MYLIP: variants seen among roughly 807,000 people sequenced by gnomAD.
MYLIP encodes myosin regulatory light chain interacting protein.
Under a neutral mutation model 45.8 loss-of-function variants are expected in MYLIP, and 26 were observed. The observed-to-expected ratio is 0.57, with a 90% CI of 0.42 to 0.79. The LOEUF (loss-of-function observed/expected upper bound fraction) is 0.79, where lower values mean the gene tolerates loss of function less well. MYLIP is among the 30% of genes least tolerant of loss of function. The pLI is 0.00. For missense variants in MYLIP, 494 were observed against 555.6 expected (o/e 0.89, Z 1.11); for synonymous variants, 213 against 218.1 (o/e 0.98, Z 0.21).
intron 1 of MYLIP, 111 bp from the exon 2 acceptor site, chr6:16,130,446 A>G (rs1287235872): frequency 2.1e-5 from 23 of 1,074,752 alleles, no homozygotes; most frequent in Non-Finnish European, 3.1e-5. Context: ...CAGGAATTGT[A>G]ACACCATTGA....
At chr6:16,141,958 A>G in intron 3 of MYLIP, 148 bp downstream of exon 3, 2 of 681,218 alleles carry the variant, frequency 2.9e-6, no homozygotes, top group South Asian at 4.7e-5. Context: ...AAGAAGTCAT[A>G]CATAATATAC....
intron 2 of MYLIP, among the ~76,000 whole-genome samples, chr6:16,135,842 CTATA>C (rs1161237621): frequency 6.8e-6 from 1 of 146,230 alleles, no homozygotes; most frequent in Non-Finnish European, 1.5e-5. Flanking sequence ...TACATGTACA[CTATA>C]TATTCTACTC....
chr6:16,148,418 T>C (rs1368625733), downstream of MYLIP, among the ~76,000 whole-genome samples: 3 of 151,450 alleles, frequency 2.0e-5, no homozygotes, highest in Non-Finnish European at 2.9e-5. Flanking sequence ...TAACAAACTA[T>C]AGAAATGATC....
At chr6:16,137,418 A>T (rs1312818375) in intron 2 of MYLIP, among the ~76,000 whole-genome samples, 2 of 152,236 alleles carry the variant, frequency 1.3e-5, no homozygotes, top group East Asian at 3.8e-4. Context: ...TCTCCAGGAG[A>T]AATACAATTC....
chr6:16,129,535 G>A lies in MYLIP; in HGVS notation c.87+126G>A, dbSNP rs1209607287. The A allele has an allele frequency of 2.2e-5, 20 of 904,814 alleles. No individual in the cohort carries two copies. In the East Asian group the frequency reaches 3.1e-4, roughly 14 times the overall value. 56.0% of individuals were successfully genotyped at this position (904,814 alleles called of 1,614,324 possible). Reference sequence around the variant, plus strand: ...GAGGCACTGCGGCGGCAGCCGGGGGGAGCGCGTCCCCTCCTCTCCACGGGC... The same window carrying A: ...GAGGCACTGCGGCGGCAGCCGGGGGAAGCGCGTCCCCTCCTCTCCACGGGC... On this transcript the variant is annotated intron_variant, in intron 1 of 6. Coordinates refer to ENST00000356840, the MANE Select transcript of MYLIP (RefSeq NM_013262.4). The surrounding 1 kb of genome is among the most constrained non-coding windows in gnomAD (Gnocchi z 5.1).
At chr6:16,155,149 G>A in the MYLIP span, among the ~76,000 whole-genome samples, 1 of 152,168 alleles carries the variant, frequency 6.6e-6, no homozygotes, top group African/African-American at 2.4e-5. Flanking sequence ...CCTTAGTGGG[G>A]AGGCAGAGAA....
the MYLIP span, chr6:16,161,151 T>G: frequency 5.7e-6 from 1 of 174,564 alleles, no homozygotes; most frequent in South Asian, 1.3e-4. Flanking sequence ...TCTGCTTCTT[T>G]GCCCTCTATG....
At chr6:16,140,703 G>T (rs1759651638) in intron 2 of MYLIP, among the ~76,000 whole-genome samples, 1 of 152,096 alleles carries the variant, frequency 6.6e-6, no homozygotes, top group Non-Finnish European at 1.5e-5. Context: ...CCCTATCCTG[G>T]GGCATAGCAG....
intron 5 of MYLIP, 53 bp from the exon 6 acceptor site, chr6:16,144,844 G>T: frequency 2.6e-6 from 4 of 1,552,260 alleles, no homozygotes; most frequent in Non-Finnish European, 3.5e-6. Flanking sequence ...CAGCGAATAA[G>T]GGTGCTGCCA....
Position 16,129,327 on chromosome 6 carries a change from T to A in MYLIP, c.5T>A (p.Leu2Gln), listed in dbSNP as rs1759404442. Residue 2 changes from leucine (L) to glutamine (Q), a missense_variant, in exon 1 of 7, where the codon CTG becomes CAG. Transcript: ENST00000356840. The surrounding 1 kb of genome is among the most constrained non-coding windows in gnomAD (Gnocchi z 5.1). ...GCGGCAGCGGCAGCCCCAGCCATGC[T>A]GTGTTATGTGACGAGGCCGGACGCG... The part of the protein sequence containing the change: M[L>Q]CYVTRPDAVL... The A allele has an allele frequency of 1.3e-6, 2 of 1,571,876 alleles. No homozygotes were observed. The highest frequency in any genetic ancestry group is 2.7e-5 in the African/African-American group (2 of 73,806).
the MYLIP span, among the ~76,000 whole-genome samples, chr6:16,154,822 A>G: frequency 6.6e-6 from 1 of 152,128 alleles, no homozygotes; most frequent in Admixed American, 6.5e-5. Context: ...GCCCCATCCC[A>G]GCCCAGGAAG....
intron 2 of MYLIP, among the ~76,000 whole-genome samples, chr6:16,136,604 ATAGCTGGG>A (rs1345181568): frequency 1.3e-5 from 2 of 152,352 alleles, no homozygotes; most frequent in East Asian, 3.9e-4. Context: ...TAAGAGTGGA[ATAGCTGGG>A]TCATGGAGTA....
At chr6:16,144,673 T>C (rs1759746678) in intron 5 of MYLIP, among the ~76,000 whole-genome samples, 1 of 152,222 alleles carries the variant, frequency 6.6e-6, no homozygotes, top group African/African-American at 2.4e-5. Context: ...CACTGCCCTC[T>C]GTATTTACTG....
At chr6:16,159,583 A>G in the MYLIP span, among the ~76,000 whole-genome samples, 5 of 152,208 alleles carry the variant, frequency 3.3e-5, no homozygotes, top group African/African-American at 1.2e-4. Context: ...ACACAGTGAC[A>G]GTATCTGTTC....
chr6:16,160,953 G>A, the MYLIP span: 1 of 154,118 alleles, frequency 6.5e-6, no homozygotes, highest in Non-Finnish European at 1.4e-5. Context: ...CTGCGCCATG[G>A]CCTTTGACAT....
At position 16,146,435 on chromosome 6, in the gene MYLIP, T is replaced by G. The variant is rs75833122; in HGVS notation, c.1249-227T>G. On this transcript the variant is annotated intron_variant, in intron 6 of 6. Transcript: ENST00000356840. ...GCGTTTCACTAAAAATGTAATTAATTTCCTTCAGTTTATACTATGTCATAG... is the reference window on the plus strand; with the variant it reads ...GCGTTTCACTAAAAATGTAATTAATGTCCTTCAGTTTATACTATGTCATAG... Among the ~76,000 whole-genome samples, 932 of 152,364 alleles carry G rather than the reference T, an allele frequency of 6.1e-3. 12 individuals are homozygous for G. Among genetic ancestry groups the G allele is most frequent in the African/African-American group, 0.021 (862 of 41,582 alleles).
chr6:16,134,862 C>T lies in MYLIP; in HGVS notation c.278+4115C>T, dbSNP rs1455762297. ...ATATGTGTTTATTTCAGCCAAGGAA[C>T]GCCTGTCTGGGTATCTTTAGGCCCT... On this transcript the variant is annotated intron_variant, in intron 2 of 6. Coordinates refer to ENST00000356840, the MANE Select transcript of MYLIP (RefSeq NM_013262.4). 2.0e-5 allele frequency among the ~76,000 whole-genome samples: 3 copies of T among 152,132 alleles called. No homozygotes were observed. The East Asian group carries it at 5.8e-4, about 29-fold the overall frequency.
downstream of MYLIP, among the ~76,000 whole-genome samples, chr6:16,152,907 A>G (rs1334258254): frequency 6.6e-6 from 1 of 152,122 alleles, no homozygotes; most frequent in Non-Finnish European, 1.5e-5. Context: ...AATACAGGGT[A>G]TGTGGTTGGA....
intron 2 of MYLIP, among the ~76,000 whole-genome samples, chr6:16,138,667 A>G (rs573992750): frequency 6.6e-6 from 1 of 152,314 alleles, no homozygotes; most frequent in Admixed American, 6.5e-5. Context: ...AGACATGTTT[A>G]CCCTAAAACC....
Sources: allele counts gnomAD v4.1 joint callset (sites outside exome capture counted in the v4.1 genomes callset), GRCh38; gene constraint gnomAD v4.1.1; non-coding constraint Gnocchi (gnomAD v3.1); transcripts MANE v1.5; gene names NCBI Gene and HGNC (gene_info 2026-07-23, HGNC 2026-07-21).